Variants in HOMEZ observed in about 807,000 individuals in gnomAD.
The protein encoded by HOMEZ is homeobox and leucine zipper protein Homez.
HOMEZ carries 20 observed loss-of-function variants against 50.1 expected under a neutral mutation model. That is an observed-to-expected ratio of 0.40 (90% CI 0.28 to 0.58). HOMEZ has a LOEUF of 0.58. Ranked by LOEUF, HOMEZ falls within the 20% of genes least tolerant of loss-of-function variation. HOMEZ has a pLI of 0.46. For missense variants in HOMEZ, 579 were observed against 680.5 expected (o/e 0.85, Z 1.66); for synonymous variants, 239 against 254.7 (o/e 0.94, Z 0.59).
At position 23,286,106 on chromosome 14, in the gene HOMEZ, C is replaced by A; in HGVS notation, c.-154G>T. The stretch of plus-strand genomic sequence containing the variant: ...GAGCGCGCCGGTCTACCCAGCCCTG[C>A]TCGAGCAAGTTGGAGGCGGGGCGGA... On this transcript the variant is annotated 5_prime_UTR_variant, in exon 1 of 2. Coordinates refer to ENST00000357460, the MANE Select transcript of HOMEZ (RefSeq NM_020834.3). The A allele has an allele frequency of 1.6e-6, 2 of 1,230,174 alleles. No individual in the cohort carries two copies. The highest frequency in any genetic ancestry group is 1.0e-6 in the Non-Finnish European group (1 of 987,062). The allele number at this position is 1,230,174 out of a possible 1,614,324, so 76.2% of individuals were successfully genotyped here.
intron 1 of HOMEZ, among the ~76,000 whole-genome samples, chr14:23,279,891 T>C (rs1886454143): frequency 6.6e-6 from 1 of 152,206 alleles, no homozygotes; most frequent in East Asian, 1.9e-4. Flanking sequence ...CAAGTGACCC[T>C]CCTGCCTCAA....
At position 23,282,970 on chromosome 14, in the gene HOMEZ, AC is replaced by A. The variant is rs1325343517; in HGVS notation, c.40+2942del. 3.9e-5 allele frequency among the ~76,000 whole-genome samples: 6 copies of A among 152,316 alleles called. No homozygotes were observed. In the East Asian group the frequency reaches 7.7e-4, roughly 20 times the overall value. The stretch of plus-strand genomic sequence containing the variant: ...GAATCTGGCTTTGAACTAAGAGAAA[AC>A]CACAACCAGAATGGCTCATGAGAAT... On this transcript the variant is annotated intron_variant, in intron 1 of 1. Transcript: ENST00000357460.
intron 1 of HOMEZ, among the ~76,000 whole-genome samples, chr14:23,278,732 G>GT (rs954286264): frequency 6.6e-6 from 1 of 152,156 alleles, no homozygotes; most frequent in Non-Finnish European, 1.5e-5. Flanking sequence ...CTGGAGTAGA[G>GT]TGGCATGATC....
rs527294353 is a variant in HOMEZ at position 23,281,443 on chromosome 14, T to A, written c.41-4256A>T. On this transcript the variant is annotated intron_variant, in intron 1 of 1. Coordinates refer to ENST00000357460, the MANE Select transcript of HOMEZ (RefSeq NM_020834.3). ...ATCAGCTATGTGATCTCAGGCAAGT[T>A]ACTTAACTTACATGAGCCTGGTTTC... Among the ~76,000 whole-genome samples, 13 of 152,272 alleles carry A rather than the reference T, an allele frequency of 8.5e-5. No homozygotes were observed. The South Asian group carries it at 2.3e-3, about 27-fold the overall frequency.
rs770220113 is a variant in HOMEZ at position 23,276,430 on chromosome 14, A to C, written c.798T>G (p.Ile266Met). The part of the protein sequence containing the change: ...QPQARDKPPP[I>M]ALIASSCKEE... ...CCTTACAACTACTGGCAATTAATGC[A>C]ATTGGTGGGGGTTTATCCCGAGCTT... Residue 266 changes from isoleucine (I) to methionine (M), a missense_variant, in exon 2 of 2, where the codon ATT becomes ATG. Transcript: ENST00000357460. The surrounding 1 kb of genome is among the most constrained non-coding windows in gnomAD (Gnocchi z 4.1). The C allele has an allele frequency of 1.2e-6, 2 of 1,614,026 alleles. No homozygotes were observed. The highest frequency in any genetic ancestry group is 2.2e-5 in the South Asian group (2 of 91,090).
chr14:23,279,129 G>A (rs761483595), intron 1 of HOMEZ, among the ~76,000 whole-genome samples: 7 of 152,068 alleles, frequency 4.6e-5, no homozygotes, highest in Non-Finnish European at 1.0e-4. Context: ...AATTACAAGC[G>A]TGCACCATGA....
intron 1 of HOMEZ, among the ~76,000 whole-genome samples, chr14:23,278,610 C>T (rs1315653751): frequency 6.6e-6 from 1 of 152,108 alleles, no homozygotes. Flanking sequence ...GTGATCCTCC[C>T]ACCTCAGCCT....
At chr14:23,280,898 T>C (rs1000557615) in intron 1 of HOMEZ, among the ~76,000 whole-genome samples, 12 of 151,274 alleles carry the variant, frequency 7.9e-5, no homozygotes, top group Admixed American at 2.7e-4. Context: ...CTCAGCCTCC[T>C]GAGTAGCTAG....
In HOMEZ at chr14:23,276,370, G is replaced by A; in HGVS notation, c.858C>T (p.Ser286=). 6.2e-7 allele frequency: 1 copy of A among 1,613,998 alleles called. No individual in the cohort carries two copies. Among genetic ancestry groups the A allele is most frequent in the East Asian group, 2.2e-5 (1 of 44,882 alleles). Residue 286 remains serine, a synonymous_variant, in exon 2 of 2, where the codon TCC becomes TCT. Coordinates refer to ENST00000357460, the MANE Select transcript of HOMEZ (RefSeq NM_020834.3). The surrounding 1 kb of genome is among the most constrained non-coding windows in gnomAD (Gnocchi z 4.1). The part of the protein sequence containing the change: ...ESASSVTPSS[S]STSSSFQVLA... ...GTACCTGGAAAGAAGAAGAGGTAGAGGAAGAAGAGGGAGTAACACTAGATG... is the reference window on the plus strand; with the variant it reads ...GTACCTGGAAAGAAGAAGAGGTAGAAGAAGAAGAGGGAGTAACACTAGATG...
In HOMEZ at chr14:23,276,873, T is replaced by TTTC; in HGVS notation, c.352_354dup (p.Glu118dup). ...ACTACTCGGGCTCGAGTCTCTTCTA[T>TTTC]TTCTTCAGATGACCAGCTAATACCA... is the stretch of plus-strand genomic sequence containing the variant. On this transcript the variant is annotated inframe_insertion, in exon 2 of 2. Coordinates refer to ENST00000357460, the MANE Select transcript of HOMEZ (RefSeq NM_020834.3). The surrounding 1 kb of genome is among the most constrained non-coding windows in gnomAD (Gnocchi z 4.1). 1 of 1,614,056 alleles carries TTTC rather than the reference T, an allele frequency of 6.2e-7. No individual in the cohort carries two copies. The highest frequency in any genetic ancestry group is 8.5e-7 in the Non-Finnish European group (1 of 1,179,900).
chr14:23,275,807 T>C lies in HOMEZ; in HGVS notation c.1421A>G (p.Gln474Arg), dbSNP rs199950904. Reference sequence around the variant, plus strand: ...AGGGATATCAGTTTCCCGTAGCTGTTGGTGGGCTGCCCAGTACCTCTCCAA... The same window carrying C: ...AGGGATATCAGTTTCCCGTAGCTGTCGGTGGGCTGCCCAGTACCTCTCCAA... ...QPLERYWAAH[Q>R]QLRETDIPQL... The change falls in exon 2 of 2, where the codon CAA becomes CGA. Residue 474 changes from glutamine (Q) to arginine (R), a missense_variant. By Grantham distance (43) the Gln-to-Arg change is conservative (BLOSUM62 1). Transcript: ENST00000357460. 3.3e-4 allele frequency: 538 copies of C among 1,610,042 alleles called. 1 individual carries two copies. In the African/African-American group the frequency reaches 6.6e-3, roughly 20 times the overall value.
rs534855160 is a variant in HOMEZ, at chr14:23,282,522, A to C, written c.40+3391T>G. On this transcript the variant is annotated intron_variant, in intron 1 of 1. Transcript: ENST00000357460. ...ATTTACAAATTGTGGCCCACCGAGAACACCACCAAATCCAAGCTGGAGAAC... is the reference window on the plus strand; with the variant it reads ...ATTTACAAATTGTGGCCCACCGAGACCACCACCAAATCCAAGCTGGAGAAC... Among the ~76,000 whole-genome samples, 493 of 152,046 alleles carry C rather than the reference A, an allele frequency of 3.2e-3. 1 individual carries two copies. Among genetic ancestry groups the C allele is most frequent in the African/African-American group, 9.6e-3 (397 of 41,446 alleles).
In HOMEZ at chr14:23,275,917, T is replaced by G. The variant is rs1185971107; in HGVS notation, c.1311A>C (p.Thr437=). The G allele has an allele frequency of 6.2e-7, 1 of 1,606,018 alleles. No individual in the cohort carries two copies. The highest frequency in any genetic ancestry group is 8.5e-7 in the Non-Finnish European group (1 of 1,175,642). Residue 437 remains threonine, a synonymous_variant, in exon 2 of 2, where the codon ACA becomes ACC. Coordinates refer to ENST00000357460, the MANE Select transcript of HOMEZ (RefSeq NM_020834.3). ...TCAAGGAGCGGGTTGATGGTGGTGG[T>G]GTAGGAATTGCTGGGTCTTGGAAAC... ...APSFQDPAIP[T]PPPSTRSLNE...
intron 1 of HOMEZ, among the ~76,000 whole-genome samples, chr14:23,277,768 GAAGTT>G (rs113343844): frequency 0.4 from 58,917 of 149,068 alleles, 12,018 homozygotes; most frequent in Middle Eastern, 0.51. Flanking sequence ...TCTGTCTTTA[GAAGTT>G]AAGAAGGAAA....
intron 1 of HOMEZ, among the ~76,000 whole-genome samples, chr14:23,284,509 G>A (rs549028958): frequency 6.6e-6 from 1 of 152,304 alleles, no homozygotes; most frequent in East Asian, 1.9e-4. Context: ...CCTGTGTCCT[G>A]GGGCCAGTTT....
chr14:23,275,471 G>T lies in HOMEZ; in HGVS notation c.*104C>A. Reference sequence around the variant, plus strand: ...ACCCTGAAGAACACAAAGCTTTTTAGTTCTCTGCCACAAGGTAATTTTAAA... The same window carrying T: ...ACCCTGAAGAACACAAAGCTTTTTATTTCTCTGCCACAAGGTAATTTTAAA... On this transcript the variant is annotated 3_prime_UTR_variant, in exon 2 of 2. Transcript: ENST00000357460. 7.0e-7 allele frequency: 1 copy of T among 1,425,238 alleles called. No individual in the cohort carries two copies. The highest frequency in any genetic ancestry group is 9.3e-7 in the Non-Finnish European group (1 of 1,073,650). The allele number at this position is 1,425,238 out of a possible 1,614,324, so 88.3% of individuals were successfully genotyped here.
Position 23,275,672 on chromosome 14 carries a change from T to C in HOMEZ, c.1556A>G (p.Glu519Gly). 1 of 1,581,702 alleles carries C rather than the reference T, an allele frequency of 6.3e-7. No homozygotes were observed. The highest frequency in any genetic ancestry group is 1.3e-5 in the African/African-American group (1 of 74,394). The change falls in exon 2 of 2, where the codon GAG becomes GGG. Residue 519 changes from glutamate (E) to glycine (G), a missense_variant. Coordinates refer to ENST00000357460, the MANE Select transcript of HOMEZ (RefSeq NM_020834.3). ...ATCTTCTGGCAGTTCTTCCTCCTCC[T>C]CTTCCTCTTCTTCATCTAGACAAAC... ...VVVCLDEEEEEEEEELPEDDE... is the reference protein window; with the variant it reads ...VVVCLDEEEEGEEEELPEDDE...
At chr14:23,282,172 T>G (rs943208652) in intron 1 of HOMEZ, among the ~76,000 whole-genome samples, 3 of 152,150 alleles carry the variant, frequency 2.0e-5, no homozygotes, top group Non-Finnish European at 2.9e-5. Context: ...ATGGGGTAAC[T>G]GGGACAAAGA....
chr14:23,280,770 T>C (rs571026136), intron 1 of HOMEZ, among the ~76,000 whole-genome samples: 1 of 118,032 alleles, frequency 8.5e-6, no homozygotes, highest in African/African-American at 2.9e-5. Context: ...TTTATTTTAT[T>C]TTATTTTATT....
Sources: gnomAD v4.1 joint callset for allele counts (sites outside exome capture counted in the v4.1 genomes callset) on GRCh38, gnomAD v4.1.1 for gene constraint, Gnocchi (gnomAD v3.1) non-coding constraint, MANE v1.5 for transcripts, NCBI Gene and HGNC (gene_info 2026-07-23, HGNC 2026-07-21) for gene names.